Variants in DEPDC4 observed in about 807,000 individuals in gnomAD.
The protein encoded by DEPDC4 is DEP domain-containing protein 4.
In DEPDC4, 52 loss-of-function variants were observed where a neutral mutation model predicts 52.0. The ratio of observed to expected loss-of-function variants is 1.00; its 90% CI spans 0.80 to 1.26. DEPDC4 has a LOEUF of 1.26. Among genes scored for constraint, DEPDC4 ranks in the 50% most tolerant of loss-of-function variants. The pLI, the probability that DEPDC4 is intolerant of heterozygous loss-of-function variation, is 0.00. For synonymous variants in DEPDC4, 201 were observed against 196.8 expected (o/e 1.02, Z -0.18); for missense variants, 530 against 546.9 (o/e 0.97, Z 0.31).
chr12:100,281,833 CAAAAAAA>C, the DEPDC4 span, among the ~76,000 whole-genome samples: 2 of 59,366 alleles, frequency 3.4e-5, no homozygotes, highest in African/African-American at 6.3e-5. Flanking sequence ...GACTCCGTCT[CAAAAAAA>C]AAAAAAAAAA....
intron 8 of DEPDC4, among the ~76,000 whole-genome samples, chr12:100,242,789 A>G (rs540689527): frequency 6.6e-6 from 1 of 152,326 alleles, no homozygotes; most frequent in East Asian, 1.9e-4. Context: ...AGTCCATCAC[A>G]TATCTGAACA....
At chr12:100,259,959 T>A (rs2373204) in intron 3 of DEPDC4, among the ~76,000 whole-genome samples, 36,359 of 151,168 alleles carry the variant, frequency 0.24, 8,109 homozygotes, top group African/African-American at 0.6. Flanking sequence ...TTTTTTTTTT[T>A]AATGTGATCC....
At chr12:100,254,482 C>T (rs1393773755) in intron 4 of DEPDC4, among the ~76,000 whole-genome samples, 4 of 151,388 alleles carry the variant, frequency 2.6e-5, no homozygotes, top group African/African-American at 7.3e-5. Flanking sequence ...TGCACCATCA[C>T]GCCAGGCTAA....
chr12:100,247,861 G>A (rs929196084), intron 8 of DEPDC4, among the ~76,000 whole-genome samples: 4 of 152,080 alleles, frequency 2.6e-5, no homozygotes, highest in Non-Finnish European at 5.9e-5. Flanking sequence ...CTCTGTAAAT[G>A]TTCTTTCCAA....
chr12:100,264,742 G>A (rs1024565498), intron 1 of DEPDC4, among the ~76,000 whole-genome samples: 3 of 151,956 alleles, frequency 2.0e-5, no homozygotes, highest in Admixed American at 1.3e-4. Context: ...CTGAATACTT[G>A]AATATAACCC....
At position 100,240,287 on chromosome 12, in the gene DEPDC4, T is replaced by C. The variant is rs1358149401; in HGVS notation, c.*1605A>G. Among the ~76,000 whole-genome samples, 2 of 152,122 alleles carry C rather than the reference T, an allele frequency of 1.3e-5. No individual in the cohort carries two copies. Among genetic ancestry groups the C allele is most frequent in the Non-Finnish European group, 2.9e-5 (2 of 68,014 alleles). Reference sequence around the variant, plus strand: ...CTCCCACCTCAGCCTCCTGAGTAGCTGGGACTATAGGTGTGGGCTGCCACA... The same window carrying C: ...CTCCCACCTCAGCCTCCTGAGTAGCCGGGACTATAGGTGTGGGCTGCCACA... On this transcript the variant is annotated 3_prime_UTR_variant, in exon 10 of 10. Transcript: ENST00000550587.
chr12:100,273,068 C>T, the DEPDC4 span, among the ~76,000 whole-genome samples: 5 of 152,058 alleles, frequency 3.3e-5, no homozygotes, highest in Non-Finnish European at 7.4e-5. Context: ...TCAGCCTCCA[C>T]CTTTAGTATA....
chr12:100,261,379 T>A (rs1384921800), intron 3 of DEPDC4, among the ~76,000 whole-genome samples: 1 of 152,220 alleles, frequency 6.6e-6, no homozygotes, highest in East Asian at 1.9e-4. Flanking sequence ...TAATGAATTT[T>A]GTATGTATCT....
At chr12:100,235,572 A>G (rs1477192750), downstream of DEPDC4, among the ~76,000 whole-genome samples, 8 of 147,414 alleles carry the variant, frequency 5.4e-5, no homozygotes, top group Admixed American at 4.8e-4. Flanking sequence ...CCACTGTATC[A>G]TTCTTTTTTT....
At chr12:100,281,032 T>G in the DEPDC4 span, among the ~76,000 whole-genome samples, 42 of 134,466 alleles carry the variant, frequency 3.1e-4, no homozygotes, top group Non-Finnish European at 4.8e-4. Context: ...TTTTTTTTTT[T>G]TTTTTTTTTT....
chr12:100,249,427 T>C (rs1013576639), intron 7 of DEPDC4, among the ~76,000 whole-genome samples: 6 of 152,084 alleles, frequency 3.9e-5, no homozygotes, highest in African/African-American at 1.4e-4. Flanking sequence ...AGTGGGAAGA[T>C]CGCTTGAGTC....
intron 1 of DEPDC4, among the ~76,000 whole-genome samples, chr12:100,265,468 C>T (rs559191827): frequency 2.6e-5 from 4 of 151,742 alleles, no homozygotes; most frequent in African/African-American, 4.8e-5. Flanking sequence ...TGGTGTCGCA[C>T]GCCTGTAATC....
chr12:100,250,030 T>A (rs1008860852), intron 7 of DEPDC4, among the ~76,000 whole-genome samples: 11 of 152,190 alleles, frequency 7.2e-5, no homozygotes, highest in African/African-American at 2.4e-4. Flanking sequence ...GGAAAAAGCG[T>A]GGCATGTTCG....
intron 1 of DEPDC4, among the ~76,000 whole-genome samples, chr12:100,266,604 T>G (rs113008001): frequency 0.012 from 1,798 of 152,304 alleles, 37 homozygotes; most frequent in African/African-American, 0.041. Flanking sequence ...CATCTGGACA[T>G]GTATTAGAAA....
chr12:100,256,645 GTT>G (rs781643551), intron 3 of DEPDC4, among the ~76,000 whole-genome samples: 1 of 128,874 alleles, frequency 7.8e-6, no homozygotes, highest in Non-Finnish European at 1.7e-5. Flanking sequence ...TGTGTTTTTT[GTT>G]TTTTTTTTTT....
At chr12:100,262,478 T>G (rs2096257082) in intron 2 of DEPDC4, 69 bp from the exon 3 acceptor site, 1 of 1,231,490 alleles carries the variant, frequency 8.1e-7, no homozygotes, top group Non-Finnish European at 1.1e-6. Flanking sequence ...ATATTTAAAT[T>G]AATGTATTAA....
At chr12:100,275,410 G>T in the DEPDC4 span, among the ~76,000 whole-genome samples, 2 of 152,232 alleles carry the variant, frequency 1.3e-5, no homozygotes, top group East Asian at 3.9e-4. Flanking sequence ...TACCCAGGCT[G>T]ATCTCAAACT....
rs755858984 is a variant in DEPDC4 at position 100,267,038 on chromosome 12, C to A, written c.39G>T (p.Ala13=). 2.5e-6 allele frequency: 4 copies of A among 1,613,988 alleles called. No homozygotes were observed. Among genetic ancestry groups the A allele is most frequent in the Non-Finnish European group, 2.5e-6 (3 of 1,179,938 alleles). ...TACGGAACCTCGGAGTCAAAAGAAC[C>A]GCCATAAGCTCGCGCGCTGGCTCCT... The part of the protein sequence containing the change: ...PGEEPARELM[A]VLLTPRFRRL... The change falls in exon 1 of 10, where the codon GCG becomes GCT. Residue 13 remains alanine, a synonymous_variant. Transcript: ENST00000550587.
chr12:100,267,635 G>C (rs1314449271), upstream of DEPDC4: 1 of 152,366 alleles, frequency 6.6e-6, no homozygotes, highest in African/African-American at 2.4e-5. Flanking sequence ...GCGGATCCGA[G>C]AGGGCCGAGT....
Sources: allele counts gnomAD v4.1 joint callset (sites outside exome capture counted in the v4.1 genomes callset), GRCh38; gene constraint gnomAD v4.1.1; transcripts MANE v1.5; gene names NCBI Gene and HGNC (gene_info 2026-07-23, HGNC 2026-07-21).